The following LAMA2 variants were observed in gnomAD, a reference collection of about 807,000 sequenced individuals.
LAMA2 encodes laminin subunit alpha-2.
In LAMA2, 269 loss-of-function variants were observed where a neutral mutation model predicts 364.8. The ratio of observed to expected loss-of-function variants is 0.74; its 90% CI spans 0.67 to 0.82. The LOEUF (loss-of-function observed/expected upper bound fraction) is 0.82. Ranked by LOEUF, LAMA2 falls within the 40% of genes least tolerant of loss-of-function variation. The pLI, the probability that LAMA2 is intolerant of heterozygous loss-of-function variation, is 0.00. For synonymous variants in LAMA2, 1,379 were observed against 1,370.6 expected (o/e 1.01, Z -0.14); for missense variants, 3,807 against 3,873.2 (o/e 0.98, Z 0.45).
At chr6:129,203,992 A>C (rs1782462340) in intron 12 of LAMA2, among the ~76,000 whole-genome samples, 1 of 152,210 alleles carries the variant, frequency 6.6e-6, no homozygotes, top group Non-Finnish European at 1.5e-5. Context: ...TTTATTTTGG[A>C]GATCTTCCTT....
intron 1 of LAMA2, chr6:128,930,031 C>G (rs1282077574): frequency 4.5e-6 from 2 of 448,202 alleles, no homozygotes; most frequent in Non-Finnish European, 8.1e-6. Context: ...TTGCAGAGCA[C>G]GGGGCGCCGT....
intron 12 of LAMA2, among the ~76,000 whole-genome samples, chr6:129,246,052 C>T (rs1054418682): frequency 2.6e-5 from 4 of 152,102 alleles, no homozygotes; most frequent in Non-Finnish European, 5.9e-5. Flanking sequence ...CATGTTTTAA[C>T]AACCTAGCAA....
At chr6:129,290,717 CAATT>C (rs747045951) in intron 19 of LAMA2, among the ~76,000 whole-genome samples, 5 of 151,936 alleles carry the variant, frequency 3.3e-5, no homozygotes, top group African/African-American at 1.2e-4. Flanking sequence ...ACATAGTAAA[CAATT>C]AATTACTATT....
intron 19 of LAMA2, among the ~76,000 whole-genome samples, chr6:129,288,876 G>T (rs1338240184): frequency 2.6e-5 from 4 of 152,112 alleles, no homozygotes; most frequent in Non-Finnish European, 5.9e-5. Flanking sequence ...AGCAGAGTAG[G>T]TTATGAGACC....
intron 7 of LAMA2, 90 bp from the exon 8 acceptor site, chr6:129,154,413 CAA>C: frequency 8.9e-7 from 1 of 1,126,912 alleles, no homozygotes; most frequent in Non-Finnish European, 1.3e-6. Context: ...GACTCTGTCT[CAA>C]AAAAAAAATC....
chr6:129,402,945 T>C (rs1780059343), intron 39 of LAMA2, among the ~76,000 whole-genome samples: 1 of 152,198 alleles, frequency 6.6e-6, no homozygotes, highest in Non-Finnish European at 1.5e-5. Context: ...TTTTCCTCTT[T>C]TAAGCTCCAG....
intron 18 of LAMA2, among the ~76,000 whole-genome samples, chr6:129,284,200 C>A (rs744909): frequency 0.94 from 143,384 of 151,934 alleles, 68,126 homozygotes; most frequent in East Asian, 1. Context: ...TACAGCCACG[C>A]CTCTTTATAC....
intron 1 of LAMA2, among the ~76,000 whole-genome samples, chr6:129,008,920 GCA>G (rs1784599642): frequency 2.0e-5 from 3 of 152,152 alleles, no homozygotes; most frequent in Admixed American, 2.0e-4. Context: ...TGTACTTACT[GCA>G]GTGTGGTCTA....
intron 38 of LAMA2, among the ~76,000 whole-genome samples, chr6:129,401,772 C>A (rs559612381): frequency 6.6e-6 from 1 of 152,224 alleles, no homozygotes; most frequent in East Asian, 1.9e-4. Context: ...GACATGTATA[C>A]CTATGAAGTG....
At chr6:128,911,565 A>G in intron 1 of LAMA2, among the ~76,000 whole-genome samples, 1 of 152,170 alleles carries the variant, frequency 6.6e-6, no homozygotes, top group South Asian at 2.1e-4. Flanking sequence ...TGAACCCGGT[A>G]CCTCAGATGG....
At chr6:129,219,832 TGG>T (rs553373067) in intron 12 of LAMA2, among the ~76,000 whole-genome samples, 1 of 4,002 alleles carries the variant, frequency 2.5e-4, no homozygotes, top group Admixed American at 4.3e-3. Context: ...TGTTGTGGGG[TGG>T]GGGGGAGGGG....
At chr6:129,089,527 C>T (rs1774673739) in intron 3 of LAMA2, among the ~76,000 whole-genome samples, 1 of 152,238 alleles carries the variant, frequency 6.6e-6, no homozygotes, top group Admixed American at 6.5e-5. Flanking sequence ...ATTGAAAGGA[C>T]TGTCATGTTC....
At chr6:129,464,708 C>T (rs867701533) in intron 50 of LAMA2, among the ~76,000 whole-genome samples, 8 of 151,824 alleles carry the variant, frequency 5.3e-5, no homozygotes, top group East Asian at 1.9e-4. Flanking sequence ...GCAATACATC[C>T]GGTAATAATT....
intron 1 of LAMA2, among the ~76,000 whole-genome samples, chr6:129,007,176 T>C (rs557475975): frequency 1.3e-5 from 2 of 152,260 alleles, no homozygotes; most frequent in Non-Finnish European, 2.9e-5. Context: ...CTAAGCTACA[T>C]TGGCAGAGCA....
At chr6:129,364,643 C>T (rs1777656137) in intron 32 of LAMA2, among the ~76,000 whole-genome samples, 1 of 152,158 alleles carries the variant, frequency 6.6e-6, no homozygotes, top group South Asian at 2.1e-4. Context: ...AGTCAACAAT[C>T]CATTTGTCTC....
chr6:129,156,850 C>T (rs560418248), intron 8 of LAMA2, among the ~76,000 whole-genome samples: 1 of 152,154 alleles, frequency 6.6e-6, no homozygotes, highest in Non-Finnish European at 1.5e-5. Context: ...AAGTAAATGG[C>T]TTGTATGAGA....
intron 3 of LAMA2, among the ~76,000 whole-genome samples, chr6:129,075,170 T>A (rs1773554261): frequency 6.6e-6 from 1 of 152,146 alleles, no homozygotes; most frequent in Non-Finnish European, 1.5e-5. Flanking sequence ...GGAAGTGATA[T>A]TTGAGCTGAG....
At chr6:129,012,651 C>CT (rs1403595201) in intron 1 of LAMA2, among the ~76,000 whole-genome samples, 1 of 152,064 alleles carries the variant, frequency 6.6e-6, no homozygotes, top group Non-Finnish European at 1.5e-5. Context: ...TATTCTGTAT[C>CT]TTTTTTCTGG....
At chr6:129,066,184 T>C (rs1209987832) in intron 3 of LAMA2, among the ~76,000 whole-genome samples, 1 of 148,176 alleles carries the variant, frequency 6.7e-6, no homozygotes, top group Non-Finnish European at 1.5e-5. Flanking sequence ...TAGCTGGGAC[T>C]ACAGGCGCCC....
Sources: allele counts gnomAD v4.1 joint callset (sites outside exome capture counted in the v4.1 genomes callset), GRCh38; gene constraint gnomAD v4.1.1; transcripts MANE v1.5; gene names NCBI Gene and HGNC (gene_info 2026-07-23, HGNC 2026-07-21).